CHI3L2: variants seen among roughly 807,000 people sequenced by gnomAD.
The protein encoded by CHI3L2 is chitinase 3 like 2, also known as chitinase-3-like protein 2.
Under a neutral mutation model 47.3 loss-of-function variants are expected in CHI3L2, and 47 were observed. That is an observed-to-expected ratio of 0.99 (90% CI 0.79 to 1.27). CHI3L2 has a LOEUF of 1.27. Ranked by LOEUF, CHI3L2 falls within the 50% of genes most tolerant of loss-of-function variation. CHI3L2 has a pLI of 0.00. For synonymous variants in CHI3L2, 198 were observed against 169.9 expected (o/e 1.17, Z -1.28); for missense variants, 497 against 462.1 (o/e 1.08, Z -0.69).
At chr1:111,237,880 T>C (rs1416538752) in intron 7 of CHI3L2, among the ~76,000 whole-genome samples, 1 of 152,228 alleles carries the variant, frequency 6.6e-6, no homozygotes, top group Non-Finnish European at 1.5e-5. Flanking sequence ...TTAAGACTGA[T>C]AGAAGAGAAT....
chr1:111,237,049 T>C (rs1054347757), intron 7 of CHI3L2, among the ~76,000 whole-genome samples: 30 of 152,278 alleles, frequency 2.0e-4, no homozygotes, highest in African/African-American at 6.7e-4. Context: ...ATCTGCAAAA[T>C]ATCTCAAGCA....
At chr1:111,242,403 G>A (rs779919365) in intron 10 of CHI3L2, 37 bp downstream of exon 10, 9 of 1,565,910 alleles carry the variant, frequency 5.7e-6, no homozygotes, top group Non-Finnish European at 7.8e-6. Context: ...TGGGCAGACA[G>A]CTGGGCAGAA....
In CHI3L2 at chr1:111,233,805, AAAG is replaced by A. The variant is rs1395620322; in HGVS notation, c.330-1098_330-1096del. On this transcript the variant is annotated intron_variant, in intron 4 of 10. Coordinates refer to ENST00000369748, the MANE Select transcript of CHI3L2 (RefSeq NM_004000.3). ...TCGGATGGTTGCCGTGTCTGTGTAG[AAAG>A]AAGTAGACATGGGAGACTTTTCATT... Among the ~76,000 whole-genome samples, 10 of 152,094 alleles carry A rather than the reference AAAG, an allele frequency of 6.6e-5. No homozygotes were observed. The East Asian group carries it at 7.7e-4, about 12-fold the overall frequency.
intron 4 of CHI3L2, among the ~76,000 whole-genome samples, chr1:111,232,848 A>C (rs1429700577): frequency 1.3e-5 from 2 of 152,216 alleles, no homozygotes. Context: ...AATCATTGTA[A>C]GCACTTTCAA....
At position 111,242,356 on chromosome 1, in the gene CHI3L2, T is replaced by A; in HGVS notation, c.1165T>A (p.Ser389Thr). The A allele has an allele frequency of 6.2e-7, 1 of 1,607,278 alleles. No homozygotes were observed. The stretch of plus-strand genomic sequence containing the variant: ...CCAAGCAGTCAAGAGAAGCCTTGGC[T>A]CCCTGTGAAGGTAACAGTCCAGGCT... ...LVQAVKRSLG[S>T]L Residue 389 changes from serine to threonine, a missense_variant, in exon 10 of 11, where the codon TCC (serine) becomes ACC (threonine). Coordinates refer to ENST00000369748, the MANE Select transcript of CHI3L2 (RefSeq NM_004000.3).
At chr1:111,240,170 G>C (rs996689740) in intron 8 of CHI3L2, among the ~76,000 whole-genome samples, 1 of 152,166 alleles carries the variant, frequency 6.6e-6, no homozygotes, top group Non-Finnish European at 1.5e-5. Flanking sequence ...TCTATCTTTG[G>C]AGTCCCAGCC....
intron 8 of CHI3L2, 52 bp downstream of exon 8, chr1:111,238,984 T>C (rs575989775): frequency 5.4e-6 from 8 of 1,493,634 alleles, no homozygotes; most frequent in Non-Finnish European, 6.3e-6. Flanking sequence ...TGGGTAGATG[T>C]TCCATCTTCA....
In CHI3L2 at chr1:111,234,942, T is replaced by G; in HGVS notation, c.365T>G (p.Leu122Trp). The stretch of plus-strand genomic sequence containing the variant: ...ATGGTGGATTCTTCTACATCACGCT[T>G]GGAATTCATTAACTCCATAATCCTG... ...HPMVDSSTSR[L>W]EFINSIILFL... Residue 122 changes from leucine to tryptophan, a missense_variant, in exon 5 of 11, where the codon TTG (leucine) becomes TGG (tryptophan). Transcript: ENST00000369748. 6.2e-7 allele frequency: 1 copy of G among 1,614,194 alleles called. No homozygotes were observed. Among genetic ancestry groups the G allele is most frequent in the East Asian group, 2.2e-5 (1 of 44,890 alleles).
At chr1:111,229,490 G>A (rs1469818957) in intron 1 of CHI3L2, among the ~76,000 whole-genome samples, 9 of 150,950 alleles carry the variant, frequency 6.0e-5, no homozygotes, top group East Asian at 1.9e-4. Context: ...AGACCATCCC[G>A]GCTAAAACGG....
intron 1 of CHI3L2, among the ~76,000 whole-genome samples, chr1:111,228,371 A>G (rs1659589867): frequency 6.6e-6 from 1 of 152,104 alleles, no homozygotes; most frequent in African/African-American, 2.4e-5. Context: ...GAAATCATTT[A>G]TTTGTGTCCA....
rs1170514275 is a variant in CHI3L2 at position 111,242,334 on chromosome 1, A to G, written c.1143A>G (p.Gln381=). The change falls in exon 10 of 11, where the codon CAA becomes CAG. Residue 381 remains glutamine (Q), a synonymous_variant. Coordinates refer to ENST00000369748, the MANE Select transcript of CHI3L2 (RefSeq NM_004000.3). ...ACCAGGGCCCTTACCCTCTTGTCCA[A>G]GCAGTCAAGAGAAGCCTTGGCTCCC... The part of the protein sequence containing the change: ...SCNQGPYPLV[Q]AVKRSLGSL The G allele has an allele frequency of 6.2e-7, 1 of 1,612,722 alleles. No individual in the cohort carries two copies. The highest frequency in any genetic ancestry group is 8.5e-7 in the Non-Finnish European group (1 of 1,179,308).
Position 111,238,800 on chromosome 1 carries a change from G to A in CHI3L2, c.786G>A (p.Val262=). The change falls in exon 8 of 11, where the codon GTG becomes GTA. Residue 262 remains valine, a synonymous_variant. Coordinates refer to ENST00000369748, the MANE Select transcript of CHI3L2 (RefSeq NM_004000.3). ...WIHKGMPSEK[V]VMGIPTYGHS... ...ATAAGGGAATGCCATCAGAGAAGGT[G>A]GTCATGGGCATCCCCACATATGGGC... 1 of 1,613,982 alleles carries A rather than the reference G, an allele frequency of 6.2e-7. No homozygotes were observed. The highest frequency in any genetic ancestry group is 1.1e-5 in the South Asian group (1 of 91,034).
Position 111,230,860 on chromosome 1 carries a change from C to A in CHI3L2, c.189C>A (p.Phe63Leu), listed in dbSNP as rs201031221. 16 of 1,614,058 alleles carry A rather than the reference C, an allele frequency of 9.9e-6. No homozygotes were observed. The highest frequency in any genetic ancestry group is 1.7e-5 in the Admixed American group (1 of 60,014). ...TATGCTCTCATCTCATCTATTCATT[C>A]GCCAGCATCGAAAACAACAAGGTTA... ...PFLCSHLIYS[F>L]ASIENNKVII... is the part of the protein sequence containing the mutation. The change falls in exon 3 of 11, where the codon TTC (phenylalanine) becomes TTA (leucine). Residue 63 changes from phenylalanine (F) to leucine (L), a missense_variant. Phe to Leu is a conservative substitution (Grantham distance 22). Transcript: ENST00000369748.
chr1:111,236,091 G>A lies in CHI3L2; in HGVS notation c.673G>A (p.Gly225Ser). The change falls in exon 7 of 11, where the codon GGC (glycine) becomes AGC (serine). Residue 225 changes from glycine (G) to serine (S), a missense_variant. Coordinates refer to ENST00000369748, the MANE Select transcript of CHI3L2 (RefSeq NM_004000.3). ...HGSWEKPLIT[G>S]HNSPLSKGWQ... Reference sequence around the variant, plus strand: ...GTCTTGGGAAAAGCCCCTTATCACTGGCCACAACAGCCCTCTGAGCAAGGG... The same window carrying A: ...GTCTTGGGAAAAGCCCCTTATCACTAGCCACAACAGCCCTCTGAGCAAGGG... 6.2e-7 allele frequency: 1 copy of A among 1,614,134 alleles called. No homozygotes were observed. The highest frequency in any genetic ancestry group is 8.5e-7 in the Non-Finnish European group (1 of 1,180,034).
intron 2 of CHI3L2, among the ~76,000 whole-genome samples, 165 bp downstream of exon 2, chr1:111,230,046 A>G (rs1409519420): frequency 2.0e-5 from 3 of 151,976 alleles, no homozygotes; most frequent in Non-Finnish European, 2.9e-5. Context: ...CTTTTTGTGT[A>G]TCCCTTGTTC....
chr1:111,227,915 G>C (rs2101541720), intron 1 of CHI3L2, 146 bp downstream of exon 1: 1 of 764,978 alleles, frequency 1.3e-6, no homozygotes. Flanking sequence ...CAATGCAACT[G>C]TTGTAGGGGA....
intron 7 of CHI3L2, among the ~76,000 whole-genome samples, chr1:111,238,052 T>C (rs970392086): frequency 2.6e-5 from 4 of 152,248 alleles, no homozygotes; most frequent in Non-Finnish European, 5.9e-5. Flanking sequence ...TTTCAACCAA[T>C]TGCCAATCAA....
rs1660090815 is a variant in CHI3L2, at chr1:111,242,455, G to A, written c.*2+89G>A. 2.7e-5 allele frequency: 37 copies of A among 1,393,152 alleles called. 2 individuals carry two copies. In the South Asian group the frequency reaches 5.5e-4, roughly 21 times the overall value. The allele number at this position is 1,393,152 out of a possible 1,614,324, so 86.3% of individuals were successfully genotyped here. A position where few individuals can be genotyped will look rare whatever the true frequency, so the allele number is the denominator to read the frequency against. On this transcript the variant is annotated intron_variant, in intron 10 of 10. Transcript: ENST00000369748. ...GGGGGAGATCATCTTCACATATTTG[G>A]ACTAATCCTTTCTCATGCTCCTTTG...
At chr1:111,242,846 G>A (rs973980112) in intron 10 of CHI3L2, among the ~76,000 whole-genome samples, 6 of 152,016 alleles carry the variant, frequency 3.9e-5, no homozygotes, top group Admixed American at 3.3e-4. Context: ...TTATTGCTAC[G>A]CCTTTACCCA....
Sources: gnomAD v4.1 joint callset for allele counts (sites outside exome capture counted in the v4.1 genomes callset) on GRCh38, gnomAD v4.1.1 for gene constraint, MANE v1.5 for transcripts, NCBI Gene and HGNC (gene_info 2026-07-23, HGNC 2026-07-21) for gene names.